MAMLD1: variants seen among roughly 807,000 people sequenced by gnomAD.
MAMLD1 encodes the protein mastermind-like domain-containing protein 1.
A neutral mutation model predicts 45.0 loss-of-function variants in MAMLD1; 14 were observed. The ratio of observed to expected loss-of-function variants is 0.31; its 90% confidence interval spans 0.21 to 0.49. The LOEUF (loss-of-function observed/expected upper bound fraction) is 0.49. Among genes scored for constraint, MAMLD1 ranks in the 20% least tolerant of loss-of-function variants. MAMLD1 has a pLI of 0.99. For synonymous variants in MAMLD1, 254 were observed against 247.8 expected, an observed-to-expected ratio of 1.02 and a Z score of -0.24; for missense variants, 543 against 603.6, an observed-to-expected ratio of 0.90 and a Z score of 1.05.
At chrX:150,383,610 T>C (rs1472271579) in intron 1 of MAMLD1, among the ~76,000 whole-genome samples, 1 of 111,278 alleles carries the variant, frequency 9.0e-6, no homozygotes, top group Non-Finnish European at 1.9e-5. Context: ...GTTTTATTGA[T>C]ACCATTCACA....
chrX:150,410,987 A>AT (rs1194810136), intron 1 of MAMLD1, among the ~76,000 whole-genome samples: 2 of 110,415 alleles, frequency 1.8e-5, no homozygotes, highest in Admixed American at 9.5e-5. Flanking sequence ...GTTTTTTTTG[A>AT]TTTTTTTAGC....
At chrX:150,414,028 C>CAAAGAAAAAAAA (rs2034189041) in intron 1 of MAMLD1, among the ~76,000 whole-genome samples, 1 of 31,344 alleles carries the variant, frequency 3.2e-5, no homozygotes, top group East Asian at 2.3e-3. Flanking sequence ...CAGAAAACTG[C>CAAAGAAAAAAAA]AAAAAAAAAA....
At chrX:150,427,368 C>T (rs1308762613) in intron 1 of MAMLD1, among the ~76,000 whole-genome samples, 10 of 112,457 alleles carry the variant, frequency 8.9e-5, no homozygotes, top group African/African-American at 3.2e-4. Flanking sequence ...GTGTTCCATT[C>T]TTCTGCAAGC....
intron 2 of MAMLD1, among the ~76,000 whole-genome samples, chrX:150,445,991 G>A (rs1001566242): frequency 9.9e-5 from 11 of 111,600 alleles, no homozygotes; most frequent in African/African-American, 3.6e-4. Flanking sequence ...GTATGACTGA[G>A]AACAAAAAGC....
intron 1 of MAMLD1, among the ~76,000 whole-genome samples, chrX:150,392,855 C>T (rs1402667285): frequency 3.6e-5 from 4 of 109,758 alleles, no homozygotes; most frequent in African/African-American, 1.3e-4. Flanking sequence ...TCCAATATAC[C>T]TCTTGCCCCT....
chrX:150,398,342 A>AAGAAGAAGAAGAAGAAGAAGG (rs1569564634), intron 1 of MAMLD1, among the ~76,000 whole-genome samples: 4 of 65,111 alleles, frequency 6.1e-5, no homozygotes, highest in Non-Finnish European at 9.4e-5. Context: ...GAAGAAGAAG[A>AAGAAGAAGAAGAAGAAGAAGG]GGAAGAGGAA....
intron 1 of MAMLD1, among the ~76,000 whole-genome samples, chrX:150,403,974 AAGAAAG>A (rs1333511999): frequency 1.0e-5 from 1 of 97,609 alleles, no homozygotes; most frequent in African/African-American, 4.1e-5. Flanking sequence ...GAAAGAAAGA[AAGAAAG>A]AAAGAAAGAA....
chrX:150,427,698 T>C (rs1321098507), intron 1 of MAMLD1, among the ~76,000 whole-genome samples: 1 of 111,986 alleles, frequency 8.9e-6, no homozygotes, highest in Non-Finnish European at 1.9e-5. Context: ...AGAGCTTGAC[T>C]TCACAATGCA....
chrX:150,444,525 A>G (rs1557404704), intron 1 of MAMLD1, among the ~76,000 whole-genome samples: 3 of 110,779 alleles, frequency 2.7e-5, no homozygotes, highest in Admixed American at 9.6e-5. Flanking sequence ...TTTTCTTTCC[A>G]CCTTTTAATG....
In MAMLD1 at chrX:150,467,789, G is replaced by A. The variant is rs184614718; in HGVS notation, c.172-1956G>A. 1.6e-4 allele frequency among the ~76,000 whole-genome samples: 18 copies of A among 111,661 alleles called. 1 individual carries two copies. The highest frequency in any genetic ancestry group is 4.9e-4 in the African/African-American group (15 of 30,729). On this transcript the variant is annotated intron_variant, in intron 3 of 7. Coordinates refer to ENST00000370401, the MANE Select transcript of MAMLD1 (RefSeq NM_005491.5). ...CTCTGGCTGAGCAACTCTGGGTAAG[G>A]CCTGCCCCTCTCTGGGTCTCAGAGA...
chrX:150,506,623 T>C (rs1323678409), intron 6 of MAMLD1, among the ~76,000 whole-genome samples: 1 of 112,431 alleles, frequency 8.9e-6, no homozygotes, highest in Non-Finnish European at 1.9e-5. Context: ...CCTCTGCCTT[T>C]CCCCCGTTGG....
intron 2 of MAMLD1, 48 bp downstream of exon 2, chrX:150,445,660 C>A: frequency 2.1e-6 from 2 of 957,728 alleles, no homozygotes; most frequent in Non-Finnish European, 3.0e-6. Context: ...TGCTTCTAAT[C>A]TTAAACTTGA....
chrX:150,376,624 G>T (rs782456275), intron 1 of MAMLD1, among the ~76,000 whole-genome samples: 12 of 111,154 alleles, frequency 1.1e-4, no homozygotes, highest in African/African-American at 3.6e-4. Context: ...GAGTGATTCT[G>T]ATTTCTAGCT....
chrX:150,371,413 G>C (rs1416408828), intron 1 of MAMLD1, among the ~76,000 whole-genome samples: 1 of 110,766 alleles, frequency 9.0e-6, no homozygotes, highest in Non-Finnish European at 1.9e-5. Flanking sequence ...ACCTGTGCGA[G>C]TACCTAGACA....
intron 1 of MAMLD1, among the ~76,000 whole-genome samples, chrX:150,398,307 AG>A (rs1569564565): frequency 1.0e-5 from 1 of 99,196 alleles, no homozygotes; most frequent in East Asian, 3.1e-4. Flanking sequence ...AAGAAGAAGA[AG>A]AAGAAGAAGA....
At chrX:150,481,842 A>AAAAG (rs1246919940) in intron 5 of MAMLD1, among the ~76,000 whole-genome samples, 2 of 107,630 alleles carry the variant, frequency 1.9e-5, no homozygotes, top group African/African-American at 3.4e-5. Flanking sequence ...AAAATAAAAA[A>AAAAG]AAAGAAAGAA....
At chrX:150,479,212 T>C (rs2036676761) in intron 5 of MAMLD1, among the ~76,000 whole-genome samples, 1 of 112,275 alleles carries the variant, frequency 8.9e-6, no homozygotes, top group Non-Finnish European at 1.9e-5. Context: ...ATTTTTTTTC[T>C]ATTAAAAGTT....
intron 1 of MAMLD1, among the ~76,000 whole-genome samples, chrX:150,373,289 T>G (rs1337687114): frequency 9.0e-6 from 1 of 111,574 alleles, no homozygotes; most frequent in Admixed American, 9.4e-5. Context: ...CCGTTCCCCA[T>G]TCTGGGTGCT....
chrX:150,512,794 G>A lies in MAMLD1; in HGVS notation c.*835G>A. ...CTGCTTCTGCCGTTGCTGCCAGCCAGTTCCCAGGTCCGTTCGACAGAACGG... is the reference window on the plus strand; with the variant it reads ...CTGCTTCTGCCGTTGCTGCCAGCCAATTCCCAGGTCCGTTCGACAGAACGG... On this transcript the variant is annotated 3_prime_UTR_variant, in exon 8 of 8. Transcript: ENST00000370401. The A allele has an allele frequency of 8.7e-7, 1 of 1,155,767 alleles. No homozygotes were observed. Among genetic ancestry groups the A allele is most frequent in the Non-Finnish European group, 1.1e-6 (1 of 872,765 alleles).
Sources: gnomAD v4.1 joint callset for allele counts (sites outside exome capture counted in the v4.1 genomes callset) on GRCh38, gnomAD v4.1.1 for gene constraint, MANE v1.5 for transcripts, NCBI Gene and HGNC (gene_info 2026-07-23, HGNC 2026-07-21) for gene names.